PLPPR1: variants seen among roughly 807,000 people sequenced by gnomAD.
PLPPR1 encodes the protein phospholipid phosphatase related 1.
Under a neutral mutation model 33.1 loss-of-function variants are expected in PLPPR1, and 10 were observed. That is an observed-to-expected ratio of 0.30 (90% CI 0.19 to 0.51). PLPPR1 has a LOEUF of 0.51. Among genes scored for constraint, PLPPR1 ranks in the 20% least tolerant of loss-of-function variants. The pLI is 0.97. For synonymous variants in PLPPR1, 151 were observed against 151.0 expected (o/e 1.00, Z 0.00); for missense variants, 304 against 408.1 (o/e 0.74, Z 2.20).
At chr9:101,200,503 T>TA (rs1564173785) in intron 2 of PLPPR1, among the ~76,000 whole-genome samples, 3 of 152,230 alleles carry the variant, frequency 2.0e-5, no homozygotes, top group African/African-American at 7.2e-5. Context: ...AACTAGGTGA[T>TA]ACGATTTGAA....
chr9:101,322,702 C>A lies in PLPPR1; in HGVS notation c.946-1323C>A, dbSNP rs534805929. Among the ~76,000 whole-genome samples, 27 of 152,108 alleles carry A rather than the reference C, an allele frequency of 1.8e-4. 1 individual carries two copies. The highest frequency in any genetic ancestry group is 2.9e-4 in the Non-Finnish European group (20 of 68,014). ...AAACTAATTAAAAGCCAGCCAGTGA[C>A]AAAAATATTTGACATAATTACAAGG... On this transcript the variant is annotated intron_variant, in intron 7 of 7. Coordinates refer to ENST00000374874, the MANE Select transcript of PLPPR1 (RefSeq NM_207299.2).
chr9:101,133,200 C>G (rs1831334915), intron 1 of PLPPR1, among the ~76,000 whole-genome samples: 1 of 152,168 alleles, frequency 6.6e-6, no homozygotes. Flanking sequence ...TGGTCTGTCT[C>G]TCTTATATTA....
chr9:101,156,565 A>G (rs1290421328), intron 1 of PLPPR1, among the ~76,000 whole-genome samples: 1 of 148,028 alleles, frequency 6.8e-6, no homozygotes, highest in East Asian at 2.0e-4. Flanking sequence ...AAAAAAAAAA[A>G]AAAAAAAAGA....
intron 2 of PLPPR1, among the ~76,000 whole-genome samples, chr9:101,246,303 A>G (rs1827611339): frequency 6.6e-6 from 1 of 151,838 alleles, no homozygotes; most frequent in African/African-American, 2.4e-5. Flanking sequence ...AAAACTCCTT[A>G]GAAAAACTCT....
intron 1 of PLPPR1, among the ~76,000 whole-genome samples, chr9:101,157,154 C>A (rs186533947): frequency 3.0e-4 from 46 of 152,302 alleles, no homozygotes; most frequent in African/African-American, 8.2e-4. Flanking sequence ...CCTAAGCCAG[C>A]TTACACTTTT....
intron 1 of PLPPR1, among the ~76,000 whole-genome samples, chr9:101,040,911 T>C (rs1194906536): frequency 6.6e-6 from 1 of 151,978 alleles, no homozygotes; most frequent in Non-Finnish European, 1.5e-5. Context: ...ATTTAATAAA[T>C]GAACAAAAGA....
At chr9:101,128,677 C>T (rs553784316) in intron 1 of PLPPR1, among the ~76,000 whole-genome samples, 3 of 152,248 alleles carry the variant, frequency 2.0e-5, no homozygotes, top group Admixed American at 2.0e-4. Flanking sequence ...AATTTCTCTG[C>T]CTAAATCCAT....
intron 1 of PLPPR1, among the ~76,000 whole-genome samples, chr9:101,082,737 G>A (rs1830636349): frequency 6.6e-6 from 1 of 152,204 alleles, no homozygotes; most frequent in South Asian, 2.1e-4. Context: ...CAGGAGTAAA[G>A]ATCATGGGCT....
At chr9:101,078,601 G>A (rs1418415202) in intron 1 of PLPPR1, among the ~76,000 whole-genome samples, 5 of 151,870 alleles carry the variant, frequency 3.3e-5, no homozygotes. Context: ...GCTAAGGCAG[G>A]AGAATCACTT....
intron 3 of PLPPR1, among the ~76,000 whole-genome samples, chr9:101,273,536 C>A (rs1236094606): frequency 6.6e-6 from 1 of 152,186 alleles, no homozygotes. Context: ...GCAATGCTAC[C>A]CTGCCGGCAA....
intron 2 of PLPPR1, among the ~76,000 whole-genome samples, chr9:101,219,551 G>C (rs139445982): frequency 1.4e-3 from 218 of 152,248 alleles, no homozygotes; most frequent in African/African-American, 5.0e-3. Flanking sequence ...TAATGTTTGA[G>C]TATAAAACAA....
intron 3 of PLPPR1, among the ~76,000 whole-genome samples, chr9:101,271,156 T>C (rs537595265): frequency 1.3e-5 from 2 of 152,144 alleles, no homozygotes; most frequent in Non-Finnish European, 1.5e-5. Flanking sequence ...AAGATCAGCA[T>C]TGATGAGCCA....
chr9:101,295,481 C>T (rs1369722638), intron 4 of PLPPR1, among the ~76,000 whole-genome samples: 1 of 152,092 alleles, frequency 6.6e-6, no homozygotes, highest in African/African-American at 2.4e-5. Flanking sequence ...CAAAAAAGAG[C>T]CCACATCACC....
intron 2 of PLPPR1, among the ~76,000 whole-genome samples, chr9:101,211,905 T>A (rs1826698312): frequency 2.0e-5 from 3 of 152,192 alleles, no homozygotes; most frequent in Admixed American, 2.0e-4. Context: ...TATTACCACC[T>A]CCACTTTACA....
At chr9:101,251,349 A>C (rs1408844853) in intron 2 of PLPPR1, among the ~76,000 whole-genome samples, 1 of 152,092 alleles carries the variant, frequency 6.6e-6, no homozygotes, top group Non-Finnish European at 1.5e-5. Context: ...TGAGAGAGTA[A>C]GCTAGATAGA....
intron 2 of PLPPR1, among the ~76,000 whole-genome samples, chr9:101,194,512 G>T (rs189984508): frequency 2.5e-3 from 378 of 152,238 alleles, no homozygotes; most frequent in Non-Finnish European, 3.2e-3. Context: ...CACTTTGGGA[G>T]GCCGAGGTGG....
intron 1 of PLPPR1, among the ~76,000 whole-genome samples, chr9:101,051,322 T>G (rs1830220637): frequency 6.6e-6 from 1 of 152,068 alleles, no homozygotes; most frequent in East Asian, 1.9e-4. Context: ...TCTCTCTCTG[T>G]CTCTCTCTTG....
intron 1 of PLPPR1, among the ~76,000 whole-genome samples, chr9:101,132,526 A>G (rs1831325236): frequency 6.6e-6 from 1 of 152,200 alleles, no homozygotes; most frequent in Admixed American, 6.5e-5. Flanking sequence ...ATGAATAGGC[A>G]GAACACAGAG....
intron 1 of PLPPR1, among the ~76,000 whole-genome samples, chr9:101,119,663 G>A (rs1428935576): frequency 3.3e-5 from 5 of 152,224 alleles, no homozygotes; most frequent in Non-Finnish European, 7.3e-5. Context: ...GTAAGGACCA[G>A]CCTAACACCA....
Sources: gnomAD v4.1 joint callset for allele counts (sites outside exome capture counted in the v4.1 genomes callset) on GRCh38, gnomAD v4.1.1 for gene constraint, MANE v1.5 for transcripts, NCBI Gene and HGNC (gene_info 2026-07-23, HGNC 2026-07-21) for gene names.